The following RILPL1 variants were observed in gnomAD, a reference collection of about 807,000 sequenced individuals.
The protein encoded by RILPL1 is Rab interacting lysosomal protein like 1, also known as RILP-like protein 1.
In RILPL1, 33 loss-of-function variants were observed where a neutral mutation model predicts 50.3. That is an observed-to-expected ratio of 0.66 (90% CI 0.50 to 0.88). RILPL1 has a LOEUF of 0.88. RILPL1 is among the 40% of genes least tolerant of loss of function. RILPL1 has a pLI of 0.00. For synonymous variants in RILPL1, 205 were observed against 228.6 expected (o/e 0.90, Z 0.93); for missense variants, 418 against 542.5 (o/e 0.77, Z 2.28).
At chr12:123,493,607 C>T (rs1172635466) in intron 4 of RILPL1, among the ~76,000 whole-genome samples, 1 of 152,164 alleles carries the variant, frequency 6.6e-6, no homozygotes, top group Non-Finnish European at 1.5e-5. Context: ...CTGCAACCCT[C>T]CATAGCTCTC....
At chr12:123,521,643 A>G (rs193173576) in intron 2 of RILPL1, among the ~76,000 whole-genome samples, 2 of 27,402 alleles carry the variant, frequency 7.3e-5, no homozygotes, top group African/African-American at 1.8e-4. Flanking sequence ...ACATATGTGT[A>G]TATATATACA....
chr12:123,487,115 T>G (rs2139321103), intron 4 of RILPL1, among the ~76,000 whole-genome samples: 1 of 152,208 alleles, frequency 6.6e-6, no homozygotes, highest in Middle Eastern at 3.4e-3. Context: ...CTGTACTTAT[T>G]AAGCAGTCAC....
rs1457959009 is a variant in RILPL1 at position 123,471,134 on chromosome 12, G to A, written c.*1404C>T. The A allele has an allele frequency of 6.7e-6, 1 of 149,364 alleles. No homozygotes were observed. Among genetic ancestry groups the A allele is most frequent in the Non-Finnish European group, 1.5e-5 (1 of 67,726 alleles). The allele number at this position is 149,364 out of a possible 1,614,324, so 9.3% of individuals were successfully genotyped here. A position where few individuals can be genotyped will look rare whatever the true frequency, so the allele number is the denominator to read the frequency against. On this transcript the variant is annotated 3_prime_UTR_variant, in exon 7 of 7. Transcript: ENST00000376874. ...CGCCCAGGCTGGAGTGCAATGGCACGATCTAGGCTCACTGCAACCTCTGCC... is the reference window on the plus strand; with the variant it reads ...CGCCCAGGCTGGAGTGCAATGGCACAATCTAGGCTCACTGCAACCTCTGCC...
chr12:123,486,372 T>G (rs930443673), intron 4 of RILPL1, among the ~76,000 whole-genome samples: 7 of 152,130 alleles, frequency 4.6e-5, no homozygotes, highest in African/African-American at 1.7e-4. Context: ...CTCGGCCATT[T>G]CTCTGTGATG....
At chr12:123,526,965 A>G (rs1434389505) in intron 1 of RILPL1, among the ~76,000 whole-genome samples, 1 of 152,138 alleles carries the variant, frequency 6.6e-6, no homozygotes, top group East Asian at 1.9e-4. Context: ...TGGCTCTTAA[A>G]GTCATCCAAG....
rs562522532 is a variant in RILPL1 at position 123,523,052 on chromosome 12, C to CTGTA, written c.460+439_460+442dup. 6.6e-5 allele frequency among the ~76,000 whole-genome samples: 10 copies of CTGTA among 152,280 alleles called. No individual in the cohort carries two copies. In the South Asian group the frequency reaches 2.1e-3, roughly 32 times the overall value. On this transcript the variant is annotated intron_variant, in intron 2 of 6. Transcript: ENST00000376874. ...CCTCCTCGAAGGCCTTCCCTGATGA[C>CTGTA]TGTATCCAAAGATGTCCCTACCAAG...
At chr12:123,494,645 G>A (rs1306140416) in intron 4 of RILPL1, among the ~76,000 whole-genome samples, 1 of 152,166 alleles carries the variant, frequency 6.6e-6, no homozygotes, top group Non-Finnish European at 1.5e-5. Context: ...GCAGGGAGCA[G>A]GGCAGAGGTG....
At chr12:123,504,006 A>C (rs952554859) in intron 2 of RILPL1, among the ~76,000 whole-genome samples, 4 of 151,664 alleles carry the variant, frequency 2.6e-5, no homozygotes, top group Non-Finnish European at 5.9e-5. Context: ...ATCTCAAAAA[A>C]AAAAAAAAAA....
chr12:123,526,157 T>C (rs184612294), intron 1 of RILPL1, among the ~76,000 whole-genome samples: 2 of 151,826 alleles, frequency 1.3e-5, no homozygotes, highest in East Asian at 3.9e-4. Context: ...AATACAAAAA[T>C]TAGCCGGGCA....
chr12:123,509,994 G>A (rs1883986120), intron 2 of RILPL1, among the ~76,000 whole-genome samples: 1 of 152,244 alleles, frequency 6.6e-6, no homozygotes, highest in Non-Finnish European at 1.5e-5. Flanking sequence ...AGGGGCTCCC[G>A]ATGAGGAAGG....
chr12:123,472,946 C>T (rs73412254), intron 6 of RILPL1: 8,759 of 392,532 alleles, frequency 0.022, 659 homozygotes, highest in African/African-American at 0.16. Flanking sequence ...GTGTCTTCCA[C>T]GTTAGCCGCT....
intron 6 of RILPL1, among the ~76,000 whole-genome samples, chr12:123,477,341 T>C (rs374654816): frequency 5.8e-4 from 72 of 124,372 alleles, no homozygotes; most frequent in African/African-American, 2.0e-3. Flanking sequence ...TTCTTTCTTT[T>C]TTTTTTTTTT....
At chr12:123,500,056 T>G (rs1294694592) in intron 2 of RILPL1, among the ~76,000 whole-genome samples, 1 of 150,794 alleles carries the variant, frequency 6.6e-6, no homozygotes, top group Non-Finnish European at 1.5e-5. Flanking sequence ...CTCAGCCTCC[T>G]GAGTAGCTGG....
At chr12:123,475,824 C>CAA in intron 6 of RILPL1, 2 of 888,006 alleles carry the variant, frequency 2.3e-6, no homozygotes, top group Non-Finnish European at 3.6e-6. Flanking sequence ...ACTCCACAGA[C>CAA]ACCAGTGGAA....
chr12:123,515,673 A>C (rs1337051335), intron 2 of RILPL1, among the ~76,000 whole-genome samples: 1 of 151,336 alleles, frequency 6.6e-6, no homozygotes, highest in Non-Finnish European at 1.5e-5. Context: ...GATGGTCTTT[A>C]TCTCTTCACC....
chr12:123,533,030 G>GCCTC lies in RILPL1; in HGVS notation c.309+140_309+143dup. 1 of 876,066 alleles carries GCCTC rather than the reference G, an allele frequency of 1.1e-6. No individual in the cohort carries two copies. The highest frequency in any genetic ancestry group is 1.7e-6 in the Non-Finnish European group (1 of 592,434). 54.3% of individuals were successfully genotyped at this position (876,066 alleles called of 1,614,324 possible). ...CCTGGTCGGGCAAAAGAAGGCCAGG[G>GCCTC]CCTCCCTCCCTCCCCACGTCGGGTC... On this transcript the variant is annotated intron_variant, in intron 1 of 6. Transcript: ENST00000376874. This position sits in a 1 kb window ranked among gnomAD's most constrained non-coding sequence, Gnocchi z 6.2.
intron 1 of RILPL1, among the ~76,000 whole-genome samples, chr12:123,523,984 G>A (rs1333509242): frequency 6.6e-6 from 1 of 152,206 alleles, no homozygotes; most frequent in African/African-American, 2.4e-5. Context: ...CCTAACCTCT[G>A]GGGGGCACAC....
At chr12:123,500,982 C>T (rs960173143) in intron 2 of RILPL1, among the ~76,000 whole-genome samples, 1 of 151,882 alleles carries the variant, frequency 6.6e-6, no homozygotes, top group African/African-American at 2.4e-5. Context: ...GTGGCGGGCA[C>T]CTGTAATCCC....
At chr12:123,482,559 G>A (rs2139314399) in intron 6 of RILPL1, among the ~76,000 whole-genome samples, 1 of 151,976 alleles carries the variant, frequency 6.6e-6, no homozygotes, top group East Asian at 1.9e-4. Flanking sequence ...ACAGATGTGA[G>A]CTGCCATGCC....
Sources: gnomAD v4.1 joint callset for allele counts (sites outside exome capture counted in the v4.1 genomes callset) on GRCh38, gnomAD v4.1.1 for gene constraint, Gnocchi (gnomAD v3.1) non-coding constraint, MANE v1.5 for transcripts, NCBI Gene and HGNC (gene_info 2026-07-23, HGNC 2026-07-21) for gene names.